Variants in SLC6A3 observed in about 807,000 individuals in gnomAD.
SLC6A3 encodes the protein solute carrier family 6 member 3, also known as sodium-dependent dopamine transporter.
SLC6A3 carries 19 observed loss-of-function variants against 70.4 expected under a neutral mutation model. That is an observed-to-expected ratio of 0.27 (90% CI 0.19 to 0.40). The LOEUF is 0.40. SLC6A3 is among the 10% of genes least tolerant of loss of function. SLC6A3 has a pLI of 1.00. For missense variants in SLC6A3, 613 were observed against 838.5 expected, an observed-to-expected ratio of 0.73 and a Z score of 3.32; for synonymous variants, 368 against 356.6, an observed-to-expected ratio of 1.03 and a Z score of -0.36.
intron 3 of SLC6A3, among the ~76,000 whole-genome samples, chr5:1,434,111 T>C (rs1055690048): frequency 6.6e-6 from 1 of 152,066 alleles, no homozygotes; most frequent in Non-Finnish European, 1.5e-5. Flanking sequence ...CTCAGAAGAG[T>C]CATCTGAGCT....
At chr5:1,410,131 G>A (rs1241691786) in intron 9 of SLC6A3, among the ~76,000 whole-genome samples, 1 of 152,204 alleles carries the variant, frequency 6.6e-6, no homozygotes, top group Non-Finnish European at 1.5e-5. Flanking sequence ...ATGCGGCATG[G>A]CTAAAACAAT....
chr5:1,444,840 G>A (rs532813981), intron 1 of SLC6A3, among the ~76,000 whole-genome samples: 62 of 152,342 alleles, frequency 4.1e-4, no homozygotes, highest in Middle Eastern at 6.8e-3. Context: ...AAGAAGCGGC[G>A]CTGCCTGGCG....
Position 1,394,741 on chromosome 5 carries a change from C to G in SLC6A3, c.1857G>C (p.Lys619Asn), listed in dbSNP as rs200712598. ...VRQFTLRHWL[K>N]V The stretch of plus-strand genomic sequence containing the variant: ...GTCTTCGTCTCTGCTCCCTCTACAC[C>G]TTGAGCCAGTGGCGGAGCTGGAAAG... Residue 619 changes from lysine (K) to asparagine (N), a missense_variant, in exon 15 of 15, where the codon AAG (lysine) becomes AAC (asparagine). Lys to Asn is a moderately conservative substitution (Grantham distance 94). Around this residue, in one of 4 missense-constraint regions of SLC6A3, gnomAD observed 348 missense variants for 481.2 expected, o/e 0.72. Transcript: ENST00000270349. This position sits in a 1 kb window ranked among gnomAD's most constrained non-coding sequence, Gnocchi z 4.7. 3.1e-4 allele frequency: 505 copies of G among 1,614,160 alleles called. 1 individual carries two copies. The highest frequency in any genetic ancestry group is 4.1e-4 in the Non-Finnish European group (489 of 1,180,012).
intron 6 of SLC6A3, among the ~76,000 whole-genome samples, chr5:1,419,658 C>T (rs531949229): frequency 8.5e-5 from 13 of 152,330 alleles, no homozygotes; most frequent in Admixed American, 3.3e-4. Flanking sequence ...TGTGGGCCCC[C>T]GGCCACAGCT....
At chr5:1,418,450 A>C (rs915336961) in intron 6 of SLC6A3, among the ~76,000 whole-genome samples, 28 of 152,110 alleles carry the variant, frequency 1.8e-4, no homozygotes, top group African/African-American at 6.8e-4. Flanking sequence ...ATCCATCACC[A>C]ATCTATCATC....
At chr5:1,444,464 GCA>G (rs1273838024) in intron 1 of SLC6A3, among the ~76,000 whole-genome samples, 1 of 151,814 alleles carries the variant, frequency 6.6e-6, no homozygotes, top group South Asian at 2.1e-4. Context: ...ACACAGGTGC[GCA>G]CACACACACA....
rs1022134922 is a variant in SLC6A3, at chr5:1,411,523, G to A, written c.1157-168C>T. On this transcript the variant is annotated intron_variant, in intron 8 of 14. Transcript: ENST00000270349. The surrounding 1 kb of genome is among the most constrained non-coding windows in gnomAD (Gnocchi z 6.5). Reference sequence around the variant, plus strand: ...TATATGTCCAGCAGACCAGGCCTGGGACTCAGGAAAGCGGAAACCCAGAAC... The same window carrying A: ...TATATGTCCAGCAGACCAGGCCTGGAACTCAGGAAAGCGGAAACCCAGAAC... Among the ~76,000 whole-genome samples, 3 of 152,204 alleles carry A rather than the reference G, an allele frequency of 2.0e-5. No individual in the cohort carries two copies. In the South Asian group the frequency reaches 6.2e-4, roughly 32 times the overall value.
chr5:1,407,374 G>A (rs1030896461), intron 11 of SLC6A3, among the ~76,000 whole-genome samples: 4 of 146,508 alleles, frequency 2.7e-5, no homozygotes, highest in African/African-American at 7.5e-5. Context: ...AGGTGAGGCC[G>A]GAAGAAGCCA....
chr5:1,411,113 A>G lies in SLC6A3; in HGVS notation c.1269+130T>C. ...CCCAAATAATCACGGGGCTCGCCCA[A>G]GTCAAGGACAGGAGGTCTGGGGGCC... On this transcript the variant is annotated intron_variant, in intron 9 of 14. Transcript: ENST00000270349. The surrounding 1 kb of genome is among the most constrained non-coding windows in gnomAD (Gnocchi z 6.5). 2 of 711,178 alleles carry G rather than the reference A, an allele frequency of 2.8e-6. No homozygotes were observed. Among genetic ancestry groups the G allele is most frequent in the Non-Finnish European group, 5.1e-6 (2 of 393,864 alleles). The allele number at this position is 711,178 out of a possible 1,614,324, so 44.1% of individuals were successfully genotyped here.
At position 1,400,929 on chromosome 5, in the gene SLC6A3, C is replaced by T. The variant is rs1176423145; in HGVS notation, c.1825G>A (p.Val609Met). Residue 609 changes from valine (V) to methionine (M), a missense_variant, in exon 14 of 15, where the codon GTG (valine) becomes ATG (methionine). Val to Met is a conservative substitution (Grantham distance 21, BLOSUM62 1). Around this residue, in one of 4 missense-constraint regions of SLC6A3, gnomAD observed 348 missense variants for 481.2 expected, o/e 0.72. Coordinates refer to ENST00000270349, the MANE Select transcript of SLC6A3 (RefSeq NM_001044.5). ...KDRELVDRGE[V>M]RQFTLRHWLK... ...CTCGACCTCACCGTGAACTGGCGCA[C>T]CTCCCCTCTGTCCACCAGCTCACGG... The T allele has an allele frequency of 2.5e-6, 4 of 1,590,244 alleles. No homozygotes were observed.
At position 1,406,371 on chromosome 5, in the gene SLC6A3, TC is replaced by T; in HGVS notation, c.1499-84del. ...GACACGTGTGGGGGTCCTCGCTGACTCCCAAGGGCCCCACCTACCGGCCCCA... is the reference window on the plus strand; with the variant it reads ...GACACGTGTGGGGGTCCTCGCTGACTCCAAGGGCCCCACCTACCGGCCCCA... On this transcript the variant is annotated intron_variant, in intron 11 of 14. Coordinates refer to ENST00000270349, the MANE Select transcript of SLC6A3 (RefSeq NM_001044.5). This position sits in a 1 kb window ranked among gnomAD's most constrained non-coding sequence, Gnocchi z 8.8. The T allele has an allele frequency of 8.4e-7, 1 of 1,195,364 alleles. No homozygotes were observed. Among genetic ancestry groups the T allele is most frequent in the Non-Finnish European group, 1.2e-6 (1 of 800,360 alleles). 74.0% of individuals were successfully genotyped at this position (1,195,364 alleles called of 1,614,324 possible). A position where few individuals can be genotyped will look rare whatever the true frequency, so the allele number is the denominator to read the frequency against.
At chr5:1,409,663 C>T (rs528367688) in intron 10 of SLC6A3, 58 bp downstream of exon 10, 103 of 1,607,476 alleles carry the variant, frequency 6.4e-5, no homozygotes, top group Non-Finnish European at 7.7e-5. Flanking sequence ...CAGGGCGCCC[C>T]GTGCCACGTG....
At chr5:1,409,969 CA>C in intron 9 of SLC6A3, 120 bp from the exon 10 acceptor site, 1 of 1,287,042 alleles carries the variant, frequency 7.8e-7, no homozygotes, top group Non-Finnish European at 1.1e-6. Context: ...ACAGGGGCCA[CA>C]TGGCCGTCCA....
intron 1 of SLC6A3, among the ~76,000 whole-genome samples, chr5:1,444,870 C>T (rs11564752): frequency 2.0e-5 from 3 of 152,230 alleles, no homozygotes; most frequent in Non-Finnish European, 4.4e-5. Context: ...CCGGCCTCCC[C>T]GCCCTGCCCA....
chr5:1,443,335 G>A (rs554005114), intron 1 of SLC6A3, 93 bp from the exon 2 acceptor site: 64 of 1,010,722 alleles, frequency 6.3e-5, no homozygotes, highest in African/African-American at 9.4e-5. Flanking sequence ...GCAGAGCCCC[G>A]AGGCATTCAC....
At chr5:1,439,034 C>T (rs1756905235) in intron 3 of SLC6A3, among the ~76,000 whole-genome samples, 1 of 152,214 alleles carries the variant, frequency 6.6e-6, no homozygotes, top group Non-Finnish European at 1.5e-5. Context: ...TGGCCAGGGC[C>T]AGGCAGGACA....
At chr5:1,422,548 G>A (rs1215905257) in intron 4 of SLC6A3, among the ~76,000 whole-genome samples, 38 of 124,108 alleles carry the variant, frequency 3.1e-4, no homozygotes, top group East Asian at 7.6e-4. Context: ...GCTGCTGGGT[G>A]CCCACCGCTG....
intron 12 of SLC6A3, 35 bp from the exon 13 acceptor site, chr5:1,403,124 C>T: frequency 6.2e-7 from 1 of 1,608,054 alleles, no homozygotes; most frequent in Non-Finnish European, 8.5e-7. Flanking sequence ...AGGCAGCTCT[C>T]AGCCGGCGGT....
intron 14 of SLC6A3, among the ~76,000 whole-genome samples, chr5:1,398,209 A>G (rs1456876683): frequency 1.3e-5 from 2 of 152,026 alleles, no homozygotes; most frequent in African/African-American, 4.8e-5. Context: ...AAAAACACAA[A>G]AATTATCCAG....
Sources: gnomAD v4.1 joint callset for allele counts (sites outside exome capture counted in the v4.1 genomes callset) on GRCh38, gnomAD v4.1.1 for gene constraint, gnomAD v4.1.1 regional missense constraint, Gnocchi (gnomAD v3.1) non-coding constraint, MANE v1.5 for transcripts, NCBI Gene and HGNC (gene_info 2026-07-23, HGNC 2026-07-21) for gene names.